The following ALK variants were observed in gnomAD, a reference collection of about 807,000 sequenced individuals.
ALK encodes ALK receptor tyrosine kinase.
In ALK, 74 loss-of-function variants were observed where a neutral mutation model predicts 163.1. That is an observed-to-expected ratio of 0.45 (90% CI 0.38 to 0.55). ALK has a LOEUF of 0.55. Among genes scored for constraint, ALK ranks in the 20% least tolerant of loss-of-function variants. The probability of loss-of-function intolerance (pLI) is 0.00; values close to 1 mark genes in which losing one functional copy is unlikely to be tolerated. For missense variants in ALK, 2,063 were observed against 2,105.3 expected (o/e 0.98, Z 0.39); for synonymous variants, 960 against 843.2 (o/e 1.14, Z -2.40).
chr2:29,863,714 T>C (rs920256354), intron 1 of ALK, among the ~76,000 whole-genome samples: 1 of 152,152 alleles, frequency 6.6e-6, no homozygotes, highest in Non-Finnish European at 1.5e-5. Context: ...GAAATTAGTA[T>C]GGGGGTTCCT....
At chr2:29,866,624 C>G (rs113455229) in intron 1 of ALK, among the ~76,000 whole-genome samples, 9 of 152,342 alleles carry the variant, frequency 5.9e-5, no homozygotes, top group African/African-American at 1.2e-4. Flanking sequence ...CCAGGCTGAT[C>G]TCTGTGATAT....
chr2:29,917,404 T>C (rs1365532542), intron 1 of ALK, among the ~76,000 whole-genome samples: 5 of 152,190 alleles, frequency 3.3e-5, no homozygotes, highest in African/African-American at 1.2e-4. Context: ...AGAGCCTATA[T>C]AAAAATAATA....
At chr2:29,634,765 C>G (rs985073584) in intron 3 of ALK, among the ~76,000 whole-genome samples, 2 of 152,100 alleles carry the variant, frequency 1.3e-5, no homozygotes, top group African/African-American at 4.8e-5. Context: ...AAGTTATAGT[C>G]AGGGCAATAG....
At chr2:29,753,601 A>C (rs371945471) in intron 1 of ALK, among the ~76,000 whole-genome samples, 3 of 152,212 alleles carry the variant, frequency 2.0e-5, no homozygotes, top group East Asian at 3.8e-4. Flanking sequence ...TGGAGGGATT[A>C]AGGAGGGAAA....
intron 3 of ALK, among the ~76,000 whole-genome samples, chr2:29,543,616 G>T (rs1054203122): frequency 6.6e-6 from 1 of 152,188 alleles, no homozygotes; most frequent in African/African-American, 2.4e-5. Context: ...GGCCATCTGG[G>T]TTAACCATAG....
intron 2 of ALK, among the ~76,000 whole-genome samples, chr2:29,715,483 G>A (rs1431928081): frequency 2.6e-5 from 4 of 152,186 alleles, no homozygotes; most frequent in Non-Finnish European, 5.9e-5. Context: ...AGCTCAGGGA[G>A]CACCACATGG....
chr2:29,220,903 G>T, intron 22 of ALK, 68 bp from the exon 23 acceptor site: 2 of 1,601,502 alleles, frequency 1.2e-6, no homozygotes, highest in South Asian at 1.1e-5. Context: ...AAACTGGGAG[G>T]AACAGGATAC....
At chr2:29,598,870 A>G (rs1188044423) in intron 3 of ALK, among the ~76,000 whole-genome samples, 1 of 152,168 alleles carries the variant, frequency 6.6e-6, no homozygotes, top group East Asian at 1.9e-4. Flanking sequence ...TAAACATATA[A>G]TTTGTATTAC....
intron 3 of ALK, among the ~76,000 whole-genome samples, chr2:29,665,887 C>A (rs190473888): frequency 6.6e-6 from 1 of 152,102 alleles, no homozygotes; most frequent in Non-Finnish European, 1.5e-5. Flanking sequence ...TACGTAAGAT[C>A]AACCTCCTCT....
chr2:29,676,713 T>G (rs1259633416), intron 3 of ALK, among the ~76,000 whole-genome samples: 1 of 152,068 alleles, frequency 6.6e-6, no homozygotes, highest in Non-Finnish European at 1.5e-5. Context: ...ACATTAAGCT[T>G]ATTGATCAAT....
intron 5 of ALK, among the ~76,000 whole-genome samples, chr2:29,361,778 A>G (rs1246996885): frequency 6.6e-6 from 1 of 152,128 alleles, no homozygotes; most frequent in East Asian, 1.9e-4. Flanking sequence ...ATCCTTGTAT[A>G]TTGTGGCCTA....
chr2:29,235,120 C>T (rs995948818), intron 13 of ALK, among the ~76,000 whole-genome samples: 1 of 152,220 alleles, frequency 6.6e-6, no homozygotes, highest in African/African-American at 2.4e-5. Context: ...GTAACAGAAT[C>T]CTGGAATCCC....
intron 3 of ALK, among the ~76,000 whole-genome samples, chr2:29,624,567 C>T (rs752083766): frequency 5.9e-5 from 9 of 152,058 alleles, no homozygotes; most frequent in Non-Finnish European, 1.3e-4. Flanking sequence ...TTGCCTAAAA[C>T]TTAAGACTCA....
At chr2:29,513,132 A>G (rs2148142354) in intron 4 of ALK, among the ~76,000 whole-genome samples, 1 of 151,276 alleles carries the variant, frequency 6.6e-6, no homozygotes, top group South Asian at 2.1e-4. Context: ...CTTTCTTCAC[A>G]TAATTGGAAA....
intron 3 of ALK, among the ~76,000 whole-genome samples, chr2:29,557,997 G>C (rs774151694): frequency 2.6e-5 from 4 of 152,134 alleles, no homozygotes; most frequent in African/African-American, 4.8e-5. Context: ...CCTCCTCCAG[G>C]TCTGGCCAGT....
At position 29,250,427 on chromosome 2, in the gene ALK, C is replaced by A. The variant is rs112302224; in HGVS notation, c.2204+678G>T. Among the ~76,000 whole-genome samples the A allele has an allele frequency of 8.0e-3, 1,217 of 152,268 alleles. 29 individuals are homozygous for A. Among genetic ancestry groups the A allele is most frequent in the African/African-American group, 0.028 (1,146 of 41,542 alleles). On this transcript the variant is annotated intron_variant, in intron 12 of 28. Transcript: ENST00000389048. ...TCTAAAAGGCTGCATTGACACCACC[C>A]GAGAACTTGTTAGAAATGTCAGTTC...
intron 1 of ALK, among the ~76,000 whole-genome samples, chr2:29,872,544 A>G (rs1666605274): frequency 6.6e-6 from 1 of 152,240 alleles, no homozygotes; most frequent in Non-Finnish European, 1.5e-5. Flanking sequence ...ACAGTATACC[A>G]TAGACTGTTG....
intron 1 of ALK, among the ~76,000 whole-genome samples, chr2:29,859,768 T>C (rs1174085568): frequency 1.3e-5 from 2 of 152,174 alleles, no homozygotes; most frequent in African/African-American, 4.8e-5. Context: ...TTTGGTCACA[T>C]AGGGACTGAG....
chr2:29,496,146 T>C (rs1301157793), intron 4 of ALK, among the ~76,000 whole-genome samples: 2 of 152,216 alleles, frequency 1.3e-5, no homozygotes, highest in African/African-American at 4.8e-5. Context: ...TTAAACACTG[T>C]AATGTTCTTT....
Sources: gnomAD v4.1 joint callset for allele counts (sites outside exome capture counted in the v4.1 genomes callset) on GRCh38, gnomAD v4.1.1 for gene constraint, MANE v1.5 for transcripts, NCBI Gene and HGNC (gene_info 2026-07-23, HGNC 2026-07-21) for gene names.